Variants in SNTG1 observed in about 807,000 individuals in gnomAD.
SNTG1 encodes the protein gamma-1-syntrophin.
Under a neutral mutation model 74.7 loss-of-function variants are expected in SNTG1, and 39 were observed. The observed-to-expected ratio is 0.52, with a 90% CI of 0.40 to 0.68. SNTG1 has a LOEUF of 0.68. Among genes scored for constraint, SNTG1 ranks in the 30% least tolerant of loss-of-function variants. SNTG1 has a pLI of 0.00. For missense variants in SNTG1, 685 were observed against 609.5 expected (o/e 1.12, Z -1.30); for synonymous variants, 254 against 217.1 (o/e 1.17, Z -1.49).
intron 2 of SNTG1, among the ~76,000 whole-genome samples, chr8:50,298,412 G>A (rs1477469835): frequency 6.6e-6 from 1 of 152,086 alleles, no homozygotes; most frequent in Non-Finnish European, 1.5e-5. Context: ...AGAAGAGTGA[G>A]GGAAGCTGCC....
intron 1 of SNTG1, among the ~76,000 whole-genome samples, chr8:50,019,253 A>T (rs1001851257): frequency 2.0e-5 from 3 of 152,056 alleles, no homozygotes; most frequent in Non-Finnish European, 4.4e-5. Context: ...AGCTGCAGAA[A>T]AATTTTCATT....
chr8:50,772,875 C>T (rs2095630792), intron 18 of SNTG1, among the ~76,000 whole-genome samples: 1 of 152,034 alleles, frequency 6.6e-6, no homozygotes, highest in Non-Finnish European at 1.5e-5. Context: ...AAGAGTCTGG[C>T]TTCCTCAGTT....
chr8:50,511,522 G>C (rs182125079), intron 9 of SNTG1, among the ~76,000 whole-genome samples: 58 of 152,248 alleles, frequency 3.8e-4, no homozygotes, highest in African/African-American at 1.3e-3. Flanking sequence ...TAGTGTTAAA[G>C]TCTCCCATTA....
At chr8:50,450,412 T>C (rs2093445042) in intron 6 of SNTG1, 144 bp from the exon 7 acceptor site, 1 of 800,904 alleles carries the variant, frequency 1.2e-6, no homozygotes, top group East Asian at 2.7e-5. Context: ...CGAATTTCCA[T>C]TTTTTGTGGA....
At chr8:50,765,094 A>G (rs1419970966) in intron 18 of SNTG1, among the ~76,000 whole-genome samples, 1 of 151,964 alleles carries the variant, frequency 6.6e-6, no homozygotes, top group African/African-American at 2.4e-5. Flanking sequence ...ATTTACAGAG[A>G]CTGGAGAATA....
At chr8:50,024,476 G>A (rs1462751513) in intron 1 of SNTG1, among the ~76,000 whole-genome samples, 1 of 152,068 alleles carries the variant, frequency 6.6e-6, no homozygotes, top group Non-Finnish European at 1.5e-5. Flanking sequence ...CATGTCAGTT[G>A]TGTTTCATTA....
chr8:50,565,072 C>G (rs889121742), intron 12 of SNTG1, among the ~76,000 whole-genome samples: 1 of 151,930 alleles, frequency 6.6e-6, no homozygotes, highest in Non-Finnish European at 1.5e-5. Context: ...ATTTTCGTCC[C>G]CAAATCCATA....
Position 50,486,847 on chromosome 8 carries a change from G to A in SNTG1, c.364-15931G>A, listed in dbSNP as rs571899678. Among the ~76,000 whole-genome samples the A allele has an allele frequency of 6.8e-4, 104 of 152,188 alleles. 1 individual carries two copies. Among genetic ancestry groups the A allele is most frequent in the African/African-American group, 2.5e-3 (102 of 41,506 alleles). ...CCCATCAATACCTAATTTATTGAGA[G>A]TTTTTAGCATGAAGCGTTGTTGAAT... is the stretch of plus-strand genomic sequence containing the variant. On this transcript the variant is annotated intron_variant, in intron 8 of 18. Transcript: ENST00000642720.
At chr8:50,392,420 G>A (rs1373025954) in intron 2 of SNTG1, among the ~76,000 whole-genome samples, 1 of 152,170 alleles carries the variant, frequency 6.6e-6, no homozygotes, top group Non-Finnish European at 1.5e-5. Context: ...TCCTTTTAGG[G>A]TTAAAGCAGA....
At chr8:50,784,382 C>T (rs543641438) in intron 18 of SNTG1, among the ~76,000 whole-genome samples, 1 of 151,704 alleles carries the variant, frequency 6.6e-6, no homozygotes, top group African/African-American at 2.4e-5. Context: ...GAAAAAAGAA[C>T]CCGAATAACT....
chr8:49,992,739 G>A (rs566269196), intron 1 of SNTG1, among the ~76,000 whole-genome samples: 1 of 152,228 alleles, frequency 6.6e-6, no homozygotes, highest in South Asian at 2.1e-4. Context: ...GGGTGGAAGT[G>A]GGTTTTATTT....
At chr8:50,110,020 C>T (rs1202127241) in intron 1 of SNTG1, among the ~76,000 whole-genome samples, 3 of 152,220 alleles carry the variant, frequency 2.0e-5, no homozygotes, top group Non-Finnish European at 2.9e-5. Flanking sequence ...TCTGTTGATA[C>T]GCATGTGCAA....
At chr8:50,242,807 A>C (rs2086225654) in intron 2 of SNTG1, among the ~76,000 whole-genome samples, 1 of 150,826 alleles carries the variant, frequency 6.6e-6, no homozygotes, top group East Asian at 1.9e-4. Context: ...ATCTATTTAA[A>C]GAAAATATAA....
intron 1 of SNTG1, among the ~76,000 whole-genome samples, chr8:49,964,811 T>C (rs1049473026): frequency 5.3e-5 from 8 of 152,222 alleles, no homozygotes; most frequent in African/African-American, 1.7e-4. Context: ...TTCCAAAAAT[T>C]GTCTTTGTTA....
chr8:50,385,468 T>A (rs1040128054), intron 2 of SNTG1, among the ~76,000 whole-genome samples: 19 of 152,188 alleles, frequency 1.2e-4, no homozygotes, highest in African/African-American at 4.3e-4. Flanking sequence ...TTTGTCAGAT[T>A]TATTTCCCAC....
chr8:50,356,358 T>C (rs1046035867), intron 2 of SNTG1, among the ~76,000 whole-genome samples: 14 of 152,132 alleles, frequency 9.2e-5, no homozygotes, highest in African/African-American at 3.4e-4. Context: ...AGTACTGTTG[T>C]GGACAGAACC....
chr8:50,398,352 C>T (rs1021708888), intron 3 of SNTG1, among the ~76,000 whole-genome samples: 6 of 152,216 alleles, frequency 3.9e-5, no homozygotes, highest in Admixed American at 3.9e-4. Context: ...GCAGCGGCCC[C>T]TGCTGGACCA....
chr8:50,123,341 T>C (rs1355264914), intron 1 of SNTG1, among the ~76,000 whole-genome samples: 1 of 142,560 alleles, frequency 7.0e-6, no homozygotes, highest in Admixed American at 7.2e-5. Context: ...CTGGTTTCAG[T>C]GTTCCTGAAA....
At chr8:50,031,919 A>G (rs1484808) in intron 1 of SNTG1, among the ~76,000 whole-genome samples, 133,113 of 152,064 alleles carry the variant, frequency 0.88, 58,365 homozygotes, top group East Asian at 0.99. Context: ...ATAAACCACT[A>G]AGCTTATAGA....
Sources: gnomAD v4.1 joint callset for allele counts (sites outside exome capture counted in the v4.1 genomes callset) on GRCh38, gnomAD v4.1.1 for gene constraint, MANE v1.5 for transcripts, NCBI Gene and HGNC (gene_info 2026-07-23, HGNC 2026-07-21) for gene names.